Variants in FNDC3A observed in about 807,000 individuals in gnomAD.
The protein encoded by FNDC3A is fibronectin type III domain containing 3A.
In FNDC3A, 32 loss-of-function variants were observed where a neutral mutation model predicts 148.9. The observed-to-expected ratio is 0.21, with a 90% CI of 0.16 to 0.29. The LOEUF is 0.29. Ranked by LOEUF, FNDC3A falls within the 10% of genes least tolerant of loss-of-function variation. The pLI, the probability that FNDC3A is intolerant of heterozygous loss-of-function variation, is 1.00. For synonymous variants in FNDC3A, 472 were observed against 473.6 expected (o/e 1.00, Z 0.04); for missense variants, 1,191 against 1,452.8 (o/e 0.82, Z 2.93).
intron 2 of FNDC3A, among the ~76,000 whole-genome samples, chr13:49,070,881 C>CTTTTTTTT (rs758290861): frequency 6.6e-4 from 80 of 120,858 alleles, no homozygotes; most frequent in South Asian, 1.3e-3. Context: ...AACAGGATTT[C>CTTTTTTTT]TTTTTTTTTT....
intron 8 of FNDC3A, among the ~76,000 whole-genome samples, chr13:49,164,948 T>A (rs890136929): frequency 1.3e-5 from 2 of 152,362 alleles, no homozygotes; most frequent in East Asian, 3.9e-4. Flanking sequence ...TTTTTAGTCC[T>A]TTGTTGATGC....
At chr13:49,143,902 T>C (rs984763249) in intron 7 of FNDC3A, among the ~76,000 whole-genome samples, 14 of 151,848 alleles carry the variant, frequency 9.2e-5, no homozygotes, top group Non-Finnish European at 1.9e-4. Flanking sequence ...TCCAACACTT[T>C]GGGAGGCTGA....
chr13:49,108,353 A>C (rs960404538), intron 3 of FNDC3A, among the ~76,000 whole-genome samples: 1 of 152,174 alleles, frequency 6.6e-6, no homozygotes, highest in Non-Finnish European at 1.5e-5. Context: ...CTCAAGGAAG[A>C]AGGAACTTTA....
chr13:49,203,337 T>C, intron 25 of FNDC3A, 53 bp downstream of exon 25: 1 of 1,358,152 alleles, frequency 7.4e-7, no homozygotes. Context: ...TTTTTTAATT[T>C]TTATGTATTT....
chr13:49,009,646 G>C (rs930604184), intron 2 of FNDC3A, among the ~76,000 whole-genome samples: 2 of 152,198 alleles, frequency 1.3e-5, no homozygotes, highest in African/African-American at 4.8e-5. Flanking sequence ...TGTGTGCCCT[G>C]TTAGAACCTC....
At chr13:49,085,876 CT>C (rs111913275) in intron 3 of FNDC3A, among the ~76,000 whole-genome samples, 3,436 of 134,562 alleles carry the variant, frequency 0.026, 107 homozygotes, top group African/African-American at 0.076. Flanking sequence ...CCCATCCATC[CT>C]TTTTTTTTTT....
At chr13:49,149,486 G>T (rs527425262) in intron 8 of FNDC3A, among the ~76,000 whole-genome samples, 27 of 152,076 alleles carry the variant, frequency 1.8e-4, no homozygotes, top group African/African-American at 6.3e-4. Flanking sequence ...ATGTTGATAT[G>T]GTGTATCACA....
At chr13:49,106,655 G>C (rs369363064) in intron 3 of FNDC3A, among the ~76,000 whole-genome samples, 2 of 150,676 alleles carry the variant, frequency 1.3e-5, no homozygotes, top group Non-Finnish European at 2.9e-5. Context: ...AATATACTTC[G>C]TGATTTACTT....
intron 6 of FNDC3A, among the ~76,000 whole-genome samples, chr13:49,137,330 G>C (rs1882430606): frequency 6.6e-6 from 1 of 151,808 alleles, no homozygotes; most frequent in Admixed American, 6.6e-5. Context: ...TATGAACTTT[G>C]TTTTATTGGT....
rs550753610 is a variant in FNDC3A at position 49,187,066 on chromosome 13, T to A, written c.1757-56T>A. ...GGTATTCTGTTTATTAGGTTTTTTT[T>A]ATCATTTTTATGTTGTTTTGTACCT... On this transcript the variant is annotated intron_variant, in intron 15 of 25. Coordinates refer to ENST00000492622, the MANE Select transcript of FNDC3A (RefSeq NM_001079673.2). 3.5e-4 allele frequency: 472 copies of A among 1,340,996 alleles called. No homozygotes were observed. The African/African-American group carries it at 3.6e-3, about 10-fold the overall frequency. 83.1% of individuals were successfully genotyped at this position (1,340,996 alleles called of 1,614,324 possible). A position where few individuals can be genotyped will look rare whatever the true frequency, so the allele number is the denominator to read the frequency against.
chr13:49,009,390 C>T (rs1257665496), intron 2 of FNDC3A, among the ~76,000 whole-genome samples: 1 of 152,144 alleles, frequency 6.6e-6, no homozygotes. Context: ...TCACTTCCAG[C>T]TTTAGGCTGT....
intron 4 of FNDC3A, among the ~76,000 whole-genome samples, chr13:49,115,571 G>GA (rs1223910133): frequency 1.3e-5 from 2 of 152,158 alleles, no homozygotes; most frequent in African/African-American, 4.8e-5. Context: ...CTGGGAAGGA[G>GA]AGAATGGAAT....
At chr13:49,177,994 G>A (rs1885115041) in intron 13 of FNDC3A, among the ~76,000 whole-genome samples, 1 of 152,072 alleles carries the variant, frequency 6.6e-6, no homozygotes, top group Non-Finnish European at 1.5e-5. Context: ...CTTTGAAATG[G>A]TGAATTTTAC....
rs1269239700 is a variant in FNDC3A at position 49,186,107 on chromosome 13, GAT to G, written c.1756+8_1756+9del. On this transcript the variant is annotated splice_donor_region_variant and intron_variant, in intron 15 of 25. Coordinates refer to ENST00000492622, the MANE Select transcript of FNDC3A (RefSeq NM_001079673.2). ...ACAGTTTTAAAATAACCTGGGGTAA[GAT>G]ATTATGCATGTTTATACATTATTAC... 1.2e-6 allele frequency: 2 copies of G among 1,602,258 alleles called. No homozygotes were observed. Among genetic ancestry groups the G allele is most frequent in the Non-Finnish European group, 1.7e-6 (2 of 1,171,126 alleles).
intron 8 of FNDC3A, among the ~76,000 whole-genome samples, chr13:49,147,122 C>T (rs1197267249): frequency 6.6e-6 from 1 of 152,124 alleles, no homozygotes; most frequent in Non-Finnish European, 1.5e-5. Flanking sequence ...GTGTTCTATT[C>T]ATTTTTCTTA....
chr13:49,055,561 G>A (rs543426753), intron 2 of FNDC3A, among the ~76,000 whole-genome samples: 2 of 152,060 alleles, frequency 1.3e-5, no homozygotes, highest in Non-Finnish European at 1.5e-5. Flanking sequence ...GCTACCTGGC[G>A]TCATCTGCAT....
chr13:48,979,017 C>T (rs958484385), intron 1 of FNDC3A, among the ~76,000 whole-genome samples: 21 of 152,004 alleles, frequency 1.4e-4, no homozygotes, highest in African/African-American at 4.8e-4. Context: ...TGTGGTTTTG[C>T]TTGTCTTTAA....
intron 2 of FNDC3A, among the ~76,000 whole-genome samples, chr13:49,068,922 C>T (rs996561886): frequency 2.0e-5 from 3 of 151,834 alleles, no homozygotes; most frequent in Non-Finnish European, 2.9e-5. Context: ...GGTGGGAGGA[C>T]GAAGAGGAGT....
chr13:48,976,665 C>A (rs927089279), intron 1 of FNDC3A: 3 of 152,390 alleles, frequency 2.0e-5, no homozygotes, highest in Non-Finnish European at 4.4e-5. Flanking sequence ...CGGCTTTGGC[C>A]GCCCGGCAGC....
Sources: gnomAD v4.1 joint callset for allele counts (sites outside exome capture counted in the v4.1 genomes callset) on GRCh38, gnomAD v4.1.1 for gene constraint, MANE v1.5 for transcripts, NCBI Gene and HGNC (gene_info 2026-07-23, HGNC 2026-07-21) for gene names.